The following SERPINF1 variants were observed in gnomAD, a reference collection of about 807,000 sequenced individuals.
SERPINF1 encodes the protein serpin family F member 1.
SERPINF1 carries 29 observed loss-of-function variants against 37.3 expected under a neutral mutation model. The observed-to-expected ratio is 0.78, with a 90% CI of 0.58 to 1.06. The LOEUF (loss-of-function observed/expected upper bound fraction) is 1.06. Ranked by LOEUF, SERPINF1 falls within the 50% of genes least tolerant of loss-of-function variation. The probability of loss-of-function intolerance (pLI) is 0.00; values close to 1 mark genes in which losing one functional copy is unlikely to be tolerated. For synonymous variants in SERPINF1, 281 were observed against 227.9 expected (o/e 1.23, Z -2.10); for missense variants, 553 against 532.2 (o/e 1.04, Z -0.38).
chr17:1,771,796 G>T, intron 4 of SERPINF1, 76 bp from the exon 5 acceptor site: 1 of 1,467,486 alleles, frequency 6.8e-7, no homozygotes, highest in Admixed American at 1.7e-5. Context: ...ACCAGAACCC[G>T]AGCCTGGCAG....
intron 2 of SERPINF1, among the ~76,000 whole-genome samples, chr17:1,768,399 C>G (rs958629912): frequency 6.9e-6 from 1 of 144,834 alleles, no homozygotes; most frequent in Non-Finnish European, 1.5e-5. Context: ...CCACTGCACT[C>G]CAGCCTGGGC....
chr17:1,771,530 G>A (rs1349288232), intron 4 of SERPINF1, among the ~76,000 whole-genome samples: 2 of 152,080 alleles, frequency 1.3e-5, no homozygotes, highest in South Asian at 2.1e-4. Context: ...GAGCCACCGC[G>A]CTCGGCCCGT....
chr17:1,773,977 C>T (rs1907887314), intron 5 of SERPINF1, among the ~76,000 whole-genome samples: 1 of 152,214 alleles, frequency 6.6e-6, no homozygotes, highest in African/African-American at 2.4e-5. Context: ...AGTGAAGGAA[C>T]AGCTCTGGGT....
chr17:1,771,619 C>G (rs1907740907), intron 4 of SERPINF1: 1 of 542,688 alleles, frequency 1.8e-6, no homozygotes, highest in South Asian at 2.0e-5. Context: ...CAAAGAGGCT[C>G]AGAAAGAGGA....
chr17:1,771,944 G>C lies in SERPINF1; in HGVS notation c.512G>C (p.Gly171Ala), dbSNP rs1445497970. ...GGGACCAGGCCCAGAGTCCTGACGG[G>C]CAACCCTCGCTTGGACCTGCAAGAG... ...SYGTRPRVLTGNPRLDLQEIN... is the reference protein window; with the variant it reads ...SYGTRPRVLTANPRLDLQEIN... Residue 171 changes from glycine to alanine, a missense_variant, in exon 5 of 8, where the codon GGC becomes GCC. By Grantham distance (60) the Gly-to-Ala change is moderately conservative. Transcript: ENST00000254722. The C allele has an allele frequency of 1.2e-6, 2 of 1,613,904 alleles. No homozygotes were observed. Among genetic ancestry groups the C allele is most frequent in the Non-Finnish European group, 1.7e-6 (2 of 1,180,028 alleles).
At chr17:1,771,803 G>A in intron 4 of SERPINF1, 69 bp from the exon 5 acceptor site, 1 of 1,489,842 alleles carries the variant, frequency 6.7e-7, no homozygotes, top group Admixed American at 1.7e-5. Context: ...CCCGAGCCTG[G>A]CAGGCTCTCA....
At chr17:1,776,394 A>C in intron 6 of SERPINF1, 138 bp from the exon 7 acceptor site, 1 of 783,286 alleles carries the variant, frequency 1.3e-6, no homozygotes, top group Middle Eastern at 3.5e-4. Context: ...TGGAAGGGGA[A>C]TTGTTAAATA....
At position 1,769,979 on chromosome 17, in the gene SERPINF1, G is replaced by C; in HGVS notation, c.212G>C (p.Ser71Thr). ...FGYDLYRVRS[S>T]TSPTTNVLLS... ...TATGACCTGTACCGGGTGCGATCCA[G>C]CACGAGCCCCACGACCAACGTGCTC... Residue 71 changes from serine to threonine, a missense_variant, in exon 3 of 8, where the codon AGC becomes ACC. Ser to Thr is a moderately conservative substitution (Grantham distance 58). Transcript: ENST00000254722. 1 of 1,614,184 alleles carries C rather than the reference G, an allele frequency of 6.2e-7. No homozygotes were observed. The highest frequency in any genetic ancestry group is 8.5e-7 in the Non-Finnish European group (1 of 1,180,000).
rs997267726 is a variant in SERPINF1, at chr17:1,766,987, C to T, written c.77C>T (p.Pro26Leu). The T allele has an allele frequency of 3.9e-6, 6 of 1,553,818 alleles. No homozygotes were observed. Among genetic ancestry groups the T allele is most frequent in the African/African-American group, 2.7e-5 (2 of 73,244 alleles). ...HSSCQNPASP[P>L]EEGSPDPDST... ...AGCTGCCAGAACCCTGCCAGCCCCC[C>T]GGAGGAGGTCAGTAGGCAGGCGGGG... Residue 26 changes from proline to leucine, a missense_variant, in exon 2 of 8, where the codon CCG becomes CTG. Physicochemically the swap from Pro to Leu is moderately conservative, Grantham distance 98 (BLOSUM62 -3). Transcript: ENST00000254722.
At chr17:1,773,350 C>A (rs368514072) in intron 5 of SERPINF1, among the ~76,000 whole-genome samples, 4 of 152,052 alleles carry the variant, frequency 2.6e-5, no homozygotes, top group African/African-American at 4.8e-5. Context: ...GGTTCAAGTG[C>A]TTCTCCTGCC....
intron 6 of SERPINF1, 135 bp from the exon 7 acceptor site, chr17:1,776,397 G>T: frequency 1.2e-6 from 1 of 807,078 alleles, no homozygotes; most frequent in South Asian, 1.4e-5. Flanking sequence ...AAGGGGAATT[G>T]TTAAATAGAT....
At position 1,777,327 on chromosome 17, in the gene SERPINF1, G is replaced by C. The variant is rs1167117056; in HGVS notation, c.1138G>C (p.Ala380Pro). The C allele has an allele frequency of 1.5e-5, 24 of 1,614,002 alleles. No homozygotes were observed. The East Asian group carries it at 4.7e-4, about 31-fold the overall frequency. Residue 380 changes from alanine (A) to proline (P), a missense_variant, in exon 8 of 8, where the codon GCC becomes CCC. Ala to Pro is a conservative substitution (Grantham distance 27, BLOSUM62 -1). Coordinates refer to ENST00000254722, the MANE Select transcript of SERPINF1 (RefSeq NM_002615.7). ...CACCCCCAGCCCAGGGCTGCAGCCT[G>C]CCCACCTCACCTTCCCGCTGGACTA... Reference protein sequence around the residue: ...GTTPSPGLQPAHLTFPLDYHL... With the variant: ...GTTPSPGLQPPHLTFPLDYHL...
At chr17:1,771,414 A>G (rs1907731560) in intron 4 of SERPINF1, among the ~76,000 whole-genome samples, 1 of 151,438 alleles carries the variant, frequency 6.6e-6, no homozygotes, top group Non-Finnish European at 1.5e-5. Context: ...TCTTTTTTGT[A>G]TTTTTAGCAG....
Position 1,766,986 on chromosome 17 carries a change from C to A in SERPINF1, c.76C>A (p.Pro26Thr). The A allele has an allele frequency of 6.4e-7, 1 of 1,554,544 alleles. No homozygotes were observed. Among genetic ancestry groups the A allele is most frequent in the East Asian group, 2.4e-5 (1 of 41,386 alleles). ...HSSCQNPASP[P>T]EEGSPDPDST... The stretch of plus-strand genomic sequence containing the variant: ...CAGCTGCCAGAACCCTGCCAGCCCC[C>A]CGGAGGAGGTCAGTAGGCAGGCGGG... The change falls in exon 2 of 8, where the codon CCG becomes ACG. Residue 26 changes from proline (P) to threonine (T), a missense_variant. Pro to Thr is a conservative substitution (Grantham distance 38). Transcript: ENST00000254722.
intron 7 of SERPINF1, 64 bp downstream of exon 7, chr17:1,776,806 C>G: frequency 2.0e-6 from 3 of 1,480,290 alleles, no homozygotes; most frequent in South Asian, 2.3e-5. Context: ...TTTGGGCCTT[C>G]CACTGTGCTA....
intron 5 of SERPINF1, among the ~76,000 whole-genome samples, chr17:1,774,779 G>A (rs1907926484): frequency 6.6e-6 from 1 of 152,158 alleles, no homozygotes; most frequent in Non-Finnish European, 1.5e-5. Context: ...TACTTTTCCT[G>A]CAGGCTATCA....
At position 1,775,217 on chromosome 17, in the gene SERPINF1, G is replaced by T; in HGVS notation, c.786+17G>T. 1 of 1,608,364 alleles carries T rather than the reference G, an allele frequency of 6.2e-7. No individual in the cohort carries two copies. Among genetic ancestry groups the T allele is most frequent in the South Asian group, 1.1e-5 (1 of 91,010 alleles). ...AGCTGCAAGGTCTGTAGGGATAGGG[G>T]CAGGGTGGGGGGTGGATGGAGGGAG... On this transcript the variant is annotated intron_variant, in intron 6 of 7. Coordinates refer to ENST00000254722, the MANE Select transcript of SERPINF1 (RefSeq NM_002615.7).
chr17:1,774,972 TCAA>T (rs1450932366), intron 5 of SERPINF1, 83 bp from the exon 6 acceptor site: 18 of 1,586,272 alleles, frequency 1.1e-5, no homozygotes, highest in Middle Eastern at 1.8e-4. Context: ...GGGGCAATTT[TCAA>T]CAACGTGCTC....
chr17:1,773,029 G>A (rs949494565), intron 5 of SERPINF1, among the ~76,000 whole-genome samples: 14 of 152,138 alleles, frequency 9.2e-5, no homozygotes, highest in Admixed American at 7.2e-4. Context: ...GCTTGGAAAG[G>A]GAGGTGTCAA....
Sources: gnomAD v4.1 joint callset for allele counts (sites outside exome capture counted in the v4.1 genomes callset) on GRCh38, gnomAD v4.1.1 for gene constraint, MANE v1.5 for transcripts, NCBI Gene and HGNC (gene_info 2026-07-23, HGNC 2026-07-21) for gene names.